Variants in GRID2 observed in about 807,000 individuals in gnomAD.
The protein encoded by GRID2 is glutamate receptor ionotropic, delta-2.
Under a neutral mutation model 114.8 loss-of-function variants are expected in GRID2, and 33 were observed. The ratio of observed to expected loss-of-function variants is 0.29; its 90% confidence interval spans 0.22 to 0.38. The LOEUF (loss-of-function observed/expected upper bound fraction) is 0.38. Among genes scored for constraint, GRID2 ranks in the 10% least tolerant of loss-of-function variants. GRID2 has a pLI of 1.00. For synonymous variants in GRID2, 505 were observed against 449.9 expected, an observed-to-expected ratio of 1.12 and a Z score of -1.55; for missense variants, 1,184 against 1,257.7, an observed-to-expected ratio of 0.94 and a Z score of 0.89.
At chr4:92,691,313 A>T (rs1446681023) in intron 2 of GRID2, among the ~76,000 whole-genome samples, 1 of 152,000 alleles carries the variant, frequency 6.6e-6, no homozygotes, top group East Asian at 1.9e-4. Flanking sequence ...TTGCTACTTT[A>T]TTATGAAGAG....
At chr4:93,100,792 A>T (rs1731626830) in intron 3 of GRID2, among the ~76,000 whole-genome samples, 2 of 152,074 alleles carry the variant, frequency 1.3e-5, no homozygotes, top group South Asian at 2.1e-4. Flanking sequence ...GAGGAAAAAA[A>T]TAAGACACAA....
chr4:92,550,061 T>C (rs753098948), intron 1 of GRID2, among the ~76,000 whole-genome samples: 1 of 152,168 alleles, frequency 6.6e-6, no homozygotes, highest in Non-Finnish European at 1.5e-5. Flanking sequence ...AAATATTTTA[T>C]GTTTTACCTG....
At chr4:92,591,526 G>A (rs2149211958) in intron 2 of GRID2, among the ~76,000 whole-genome samples, 1 of 152,236 alleles carries the variant, frequency 6.6e-6, no homozygotes, top group South Asian at 2.1e-4. Flanking sequence ...AGAAGAAAAG[G>A]CAGATACCAT....
At chr4:92,745,111 A>G (rs958342629) in intron 2 of GRID2, among the ~76,000 whole-genome samples, 1 of 152,196 alleles carries the variant, frequency 6.6e-6, no homozygotes, top group African/African-American at 2.4e-5. Flanking sequence ...TAAAACAGAA[A>G]CATAACATGA....
At chr4:93,503,222 CT>C (rs1325469587) in intron 12 of GRID2, among the ~76,000 whole-genome samples, 2 of 151,996 alleles carry the variant, frequency 1.3e-5, no homozygotes, top group African/African-American at 4.8e-5. Context: ...ATCAGCAAGA[CT>C]GGAGTTGGCA....
At chr4:93,546,375 C>A (rs1733216421) in intron 13 of GRID2, among the ~76,000 whole-genome samples, 1 of 152,060 alleles carries the variant, frequency 6.6e-6, no homozygotes, top group Non-Finnish European at 1.5e-5. Flanking sequence ...GGATGAGATA[C>A]CCTGAGGAGA....
chr4:92,332,614 T>C (rs1040371819), intron 1 of GRID2, among the ~76,000 whole-genome samples: 3 of 152,166 alleles, frequency 2.0e-5, no homozygotes, highest in East Asian at 1.9e-4. Context: ...CTAAATCAAA[T>C]ATGAGTGAGA....
intron 2 of GRID2, among the ~76,000 whole-genome samples, chr4:92,790,827 C>T (rs1284469142): frequency 6.6e-6 from 1 of 150,846 alleles, no homozygotes; most frequent in Non-Finnish European, 1.5e-5. Flanking sequence ...GGGAATTTGT[C>T]ACTTTTTGTT....
At chr4:92,912,208 A>G (rs1046798710) in intron 2 of GRID2, among the ~76,000 whole-genome samples, 1 of 151,922 alleles carries the variant, frequency 6.6e-6, no homozygotes, top group Admixed American at 6.6e-5. Flanking sequence ...TTACATTTCT[A>G]CAAGGATATA....
intron 14 of GRID2, among the ~76,000 whole-genome samples, chr4:93,647,879 A>G (rs915738433): frequency 1.3e-5 from 2 of 152,204 alleles, no homozygotes; most frequent in African/African-American, 4.8e-5. Flanking sequence ...TTGCACATTT[A>G]TTAAGTGCCA....
intron 14 of GRID2, among the ~76,000 whole-genome samples, chr4:93,696,203 CT>C: frequency 6.6e-6 from 1 of 152,280 alleles, no homozygotes; most frequent in East Asian, 1.9e-4. Context: ...TTTGCCTCAG[CT>C]GGCTGATCTT....
chr4:92,365,544 T>C (rs751058869), intron 1 of GRID2, among the ~76,000 whole-genome samples: 6 of 151,940 alleles, frequency 3.9e-5, no homozygotes, highest in Non-Finnish European at 7.4e-5. Flanking sequence ...TAAGGTAATA[T>C]GTCTCAGCTA....
intron 1 of GRID2, among the ~76,000 whole-genome samples, chr4:92,351,737 C>T (rs58843299): frequency 6.6e-6 from 1 of 151,916 alleles, no homozygotes; most frequent in Admixed American, 6.6e-5. Flanking sequence ...TTGGCCTCCA[C>T]ATATGAGTAA....
intron 14 of GRID2, among the ~76,000 whole-genome samples, chr4:93,629,904 T>C (rs1041175485): frequency 6.6e-6 from 1 of 152,204 alleles, no homozygotes; most frequent in African/African-American, 2.4e-5. Context: ...TGCACATTTG[T>C]TCATTATAGC....
chr4:92,733,538 A>G (rs1736434904), intron 2 of GRID2, among the ~76,000 whole-genome samples: 1 of 152,056 alleles, frequency 6.6e-6, no homozygotes, highest in African/African-American at 2.4e-5. Flanking sequence ...CCATTTTAGG[A>G]AGCCTCTGTT....
intron 14 of GRID2, among the ~76,000 whole-genome samples, chr4:93,643,671 C>T (rs1721823836): frequency 1.7e-5 from 1 of 57,302 alleles, no homozygotes; most frequent in Non-Finnish European, 3.1e-5. Context: ...TCTGCCCGTT[C>T]TCAGATCTCC....
chr4:93,460,828 C>T (rs1434135215), intron 11 of GRID2, among the ~76,000 whole-genome samples: 1 of 151,904 alleles, frequency 6.6e-6, no homozygotes, highest in Non-Finnish European at 1.5e-5. Context: ...TGACTTAAAA[C>T]TCACTAAACC....
At position 93,587,577 on chromosome 4, in the gene GRID2, TC is replaced by T. The variant is rs578021648; in HGVS notation, c.2194-38691del. Among the ~76,000 whole-genome samples, 17 of 152,252 alleles carry T rather than the reference TC, an allele frequency of 1.1e-4. 1 individual carries two copies. In the South Asian group the frequency reaches 1.4e-3, roughly 13 times the overall value. On this transcript the variant is annotated intron_variant, in intron 13 of 15. Transcript: ENST00000282020. ...TTTTCTATCCAAAGGCTCCTTGAAA[TC>T]TATCCATGGCCTCATTTTAGTATTA...
rs150798905 is a variant in GRID2, at chr4:92,969,982, A to G, written c.245-115013A>G. Among the ~76,000 whole-genome samples, 1,179 of 152,066 alleles carry G rather than the reference A, an allele frequency of 7.8e-3. 18 individuals carry two copies. Among genetic ancestry groups the G allele is most frequent in the African/African-American group, 0.027 (1,118 of 41,550 alleles). ...TTCTCAGTCAGATTTTTTAATTTTG[A>G]CTTTGGTTAATCCTAAAATTTCCGG... On this transcript the variant is annotated intron_variant, in intron 2 of 15. Transcript: ENST00000282020.
Sources: gnomAD v4.1 joint callset for allele counts (sites outside exome capture counted in the v4.1 genomes callset) on GRCh38, gnomAD v4.1.1 for gene constraint, MANE v1.5 for transcripts, NCBI Gene and HGNC (gene_info 2026-07-23, HGNC 2026-07-21) for gene names.